Variants in PLA2G4A observed in about 807,000 individuals in gnomAD.
PLA2G4A encodes the protein phospholipase A2 group IVA.
PLA2G4A carries 40 observed loss-of-function variants against 81.9 expected under a neutral mutation model. The ratio of observed to expected loss-of-function variants is 0.49; its 90% CI spans 0.38 to 0.64. PLA2G4A has a LOEUF of 0.64. Ranked by LOEUF, PLA2G4A falls within the 30% of genes least tolerant of loss-of-function variation. PLA2G4A has a pLI of 0.00. For missense variants in PLA2G4A, 715 were observed against 905.1 expected (o/e 0.79, Z 2.69); for synonymous variants, 302 against 296.9 (o/e 1.02, Z -0.18).
At chr1:186,966,167 A>G (rs1191750615) in intron 15 of PLA2G4A, among the ~76,000 whole-genome samples, 1 of 150,772 alleles carries the variant, frequency 6.6e-6, no homozygotes, top group South Asian at 2.1e-4. Context: ...TTGTTCAGGG[A>G]AGGAGATGGA....
At chr1:186,887,654 G>C (rs755290474) in intron 3 of PLA2G4A, among the ~76,000 whole-genome samples, 39 of 152,134 alleles carry the variant, frequency 2.6e-4, no homozygotes, top group Admixed American at 4.6e-4. Context: ...GACTCAACAC[G>C]CAATTGCCCT....
At position 186,962,896 on chromosome 1, in the gene PLA2G4A, G is replaced by A. The variant is rs1448303204; in HGVS notation, c.1580-2513G>A. Among the ~76,000 whole-genome samples the A allele has an allele frequency of 1.3e-5, 2 of 152,156 alleles. 1 individual carries two copies. Among genetic ancestry groups the A allele is most frequent in the Non-Finnish European group, 2.9e-5 (2 of 68,028 alleles). Reference sequence around the variant, plus strand: ...TCATGCCACTTTCTAAAGTAATAGTGTCACACCGTGCTTAGGGCTTAGACC... The same window carrying A: ...TCATGCCACTTTCTAAAGTAATAGTATCACACCGTGCTTAGGGCTTAGACC... On this transcript the variant is annotated intron_variant, in intron 14 of 17. Transcript: ENST00000367466.
chr1:186,915,015 A>C (rs1655090282), intron 7 of PLA2G4A, among the ~76,000 whole-genome samples: 1 of 152,178 alleles, frequency 6.6e-6, no homozygotes, highest in African/African-American at 2.4e-5. Context: ...GGTAGCAAAC[A>C]AGGGAGCAGT....
chr1:186,895,146 T>C (rs1571376218), intron 5 of PLA2G4A, among the ~76,000 whole-genome samples: 1 of 152,320 alleles, frequency 6.6e-6, no homozygotes, highest in Non-Finnish European at 1.5e-5. Flanking sequence ...TTTATACTGT[T>C]CAATGTTTCA....
At chr1:186,858,630 G>A (rs1384321825) in intron 2 of PLA2G4A, among the ~76,000 whole-genome samples, 3 of 152,036 alleles carry the variant, frequency 2.0e-5, no homozygotes, top group Non-Finnish European at 4.4e-5. Context: ...GACATCTAAG[G>A]TTCAGCACTG....
intron 13 of PLA2G4A, among the ~76,000 whole-genome samples, chr1:186,955,082 G>C (rs1555202): frequency 0.96 from 145,831 of 152,262 alleles, 69,880 homozygotes; most frequent in East Asian, 1. Flanking sequence ...GATTCTGGAG[G>C]CAGTGCTATA....
intron 3 of PLA2G4A, among the ~76,000 whole-genome samples, chr1:186,891,817 C>T (rs1405443456): frequency 1.3e-5 from 2 of 152,092 alleles, no homozygotes; most frequent in Non-Finnish European, 2.9e-5. Flanking sequence ...ATATACTCAG[C>T]AGTGGGATTG....
chr1:186,854,468 A>C, intron 2 of PLA2G4A, 81 bp downstream of exon 2: 1 of 895,610 alleles, frequency 1.1e-6, no homozygotes, highest in Non-Finnish European at 1.9e-6. Context: ...TTGCTAGTAA[A>C]GTCAAACTGT....
chr1:186,967,030 A>T (rs6674263), intron 15 of PLA2G4A, among the ~76,000 whole-genome samples: 146,279 of 152,200 alleles, frequency 0.96, 70,372 homozygotes, highest in East Asian at 1. Flanking sequence ...ATTTTATAGA[A>T]TAAGAAGTGG....
chr1:186,936,359 G>A (rs1655944747), intron 8 of PLA2G4A, among the ~76,000 whole-genome samples: 1 of 151,976 alleles, frequency 6.6e-6, no homozygotes, highest in African/African-American at 2.4e-5. Context: ...TTGTTTAACA[G>A]CTAAGTTTGT....
At chr1:186,944,158 A>C (rs2102228403) in intron 10 of PLA2G4A, among the ~76,000 whole-genome samples, 1 of 152,234 alleles carries the variant, frequency 6.6e-6, no homozygotes, top group African/African-American at 2.4e-5. Context: ...GTTCTTATCT[A>C]GGTAAGTATA....
intron 1 of PLA2G4A, among the ~76,000 whole-genome samples, chr1:186,839,661 CATTTCAACCTGAGTTT>C (rs1157662136): frequency 2.6e-5 from 4 of 152,126 alleles, no homozygotes. Flanking sequence ...ACTTTCAGTT[CATTTCAACCTGAGTTT>C]ATTGTATGTA....
At chr1:186,885,795 G>C (rs1182792909) in intron 3 of PLA2G4A, among the ~76,000 whole-genome samples, 4 of 152,020 alleles carry the variant, frequency 2.6e-5, no homozygotes, top group African/African-American at 9.7e-5. Context: ...ACTGTAGTTT[G>C]AAAACAGTTA....
At chr1:186,920,341 G>A (rs10911956) in intron 7 of PLA2G4A, among the ~76,000 whole-genome samples, 55,744 of 152,050 alleles carry the variant, frequency 0.37, 12,298 homozygotes, top group Non-Finnish European at 0.49. Flanking sequence ...TCCCCCCACC[G>A]AGCAGGTCCG....
At chr1:186,857,204 TG>T (rs1652606251) in intron 2 of PLA2G4A, among the ~76,000 whole-genome samples, 1 of 13,242 alleles carries the variant, frequency 7.6e-5, no homozygotes, top group Non-Finnish European at 1.7e-4. Context: ...AAGAAGAAAC[TG>T]AATGGCCAGT....
At chr1:186,838,133 T>TAGAAAG (rs1431408572) in intron 1 of PLA2G4A, among the ~76,000 whole-genome samples, 1 of 152,110 alleles carries the variant, frequency 6.6e-6, no homozygotes, top group African/African-American at 2.4e-5. Context: ...CAAAGAAATT[T>TAGAAAG]AGAAAGATGT....
At chr1:186,919,595 G>C (rs1488606354) in intron 7 of PLA2G4A, among the ~76,000 whole-genome samples, 1 of 152,118 alleles carries the variant, frequency 6.6e-6, no homozygotes, top group East Asian at 1.9e-4. Context: ...ACATAGTAGG[G>C]GAGTTCTTGA....
chr1:186,887,982 C>A (rs186127553), intron 3 of PLA2G4A, among the ~76,000 whole-genome samples: 1 of 152,290 alleles, frequency 6.6e-6, no homozygotes, highest in African/African-American at 2.4e-5. Context: ...AGAGCTGATG[C>A]AGATTGCAAA....
intron 3 of PLA2G4A, among the ~76,000 whole-genome samples, chr1:186,877,060 T>C (rs1307026208): frequency 6.6e-6 from 1 of 152,076 alleles, no homozygotes; most frequent in African/African-American, 2.4e-5. Flanking sequence ...GGAAACATTA[T>C]CTATTTAATC....
Sources: allele counts gnomAD v4.1 joint callset (sites outside exome capture counted in the v4.1 genomes callset), GRCh38; gene constraint gnomAD v4.1.1; transcripts MANE v1.5; gene names NCBI Gene and HGNC (gene_info 2026-07-23, HGNC 2026-07-21).